The following RXFP1 variants were observed in gnomAD, a reference collection of about 807,000 sequenced individuals.
RXFP1 encodes the protein relaxin family peptide receptor 1.
RXFP1 carries 73 observed loss-of-function variants against 89.8 expected under a neutral mutation model. The observed-to-expected ratio is 0.81, with a 90% CI of 0.67 to 0.99. The LOEUF is 0.99. RXFP1 is among the 50% of genes least tolerant of loss of function. RXFP1 has a pLI of 0.00. For missense variants in RXFP1, 793 were observed against 895.5 expected, an observed-to-expected ratio of 0.89 and a Z score of 1.46; for synonymous variants, 277 against 305.5, an observed-to-expected ratio of 0.91 and a Z score of 0.97.
At chr4:158,577,012 TTTCTTC>T (rs3085268) in intron 2 of RXFP1, among the ~76,000 whole-genome samples, 1,798 of 150,240 alleles carry the variant, frequency 0.012, 34 homozygotes, top group African/African-American at 0.04. Context: ...AGGCTGTTCT[TTTCTTC>T]TTCTTCTTCT....
At chr4:158,595,705 A>G (rs1157361481) in intron 3 of RXFP1, among the ~76,000 whole-genome samples, 1 of 152,114 alleles carries the variant, frequency 6.6e-6, no homozygotes, top group Non-Finnish European at 1.5e-5. Context: ...TTTTATCTTC[A>G]CTACTCAAAT....
rs558833383 is a variant in RXFP1, at chr4:158,587,213, A to C, written c.188-6188A>C. ...GAAGCCTTCAAACCTTCACAAGCCC[A>C]TTTCTCACTCACCTTCTGCAGATAT... On this transcript the variant is annotated intron_variant, in intron 2 of 17. Coordinates refer to ENST00000307765, the MANE Select transcript of RXFP1 (RefSeq NM_021634.4). Among the ~76,000 whole-genome samples, 83 of 152,284 alleles carry C rather than the reference A, an allele frequency of 5.5e-4. No homozygotes were observed. In the South Asian group the frequency reaches 0.016, roughly 30 times the overall value.
At chr4:158,547,058 G>A (rs1204534952) in intron 1 of RXFP1, among the ~76,000 whole-genome samples, 7 of 152,066 alleles carry the variant, frequency 4.6e-5, no homozygotes, top group African/African-American at 7.2e-5. Flanking sequence ...GGTAGAATTC[G>A]GCTGTGAATC....
chr4:158,530,912 C>T (rs1743874458), intron 1 of RXFP1, among the ~76,000 whole-genome samples: 1 of 152,176 alleles, frequency 6.6e-6, no homozygotes, highest in African/African-American at 2.4e-5. Context: ...TGGAAAAAAT[C>T]TGTACAAAGC....
chr4:158,580,359 A>G (rs1021660450), intron 2 of RXFP1, among the ~76,000 whole-genome samples: 1 of 152,300 alleles, frequency 6.6e-6, no homozygotes, highest in Non-Finnish European at 1.5e-5. Flanking sequence ...ACAATCTCTT[A>G]CTAGCCTAGA....
intron 1 of RXFP1, among the ~76,000 whole-genome samples, chr4:158,569,038 A>C (rs1754464201): frequency 6.6e-6 from 1 of 152,224 alleles, no homozygotes; most frequent in African/African-American, 2.4e-5. Context: ...ATATCTTTGA[A>C]ATTATATGAA....
intron 11 of RXFP1, among the ~76,000 whole-genome samples, chr4:158,633,175 A>G (rs1480442371): frequency 1.3e-5 from 2 of 152,180 alleles, no homozygotes; most frequent in Non-Finnish European, 2.9e-5. Flanking sequence ...GTCTCAAAAA[A>G]AAAAGATCAA....
chr4:158,628,275 G>A (rs1205131065), intron 10 of RXFP1, among the ~76,000 whole-genome samples: 1 of 152,082 alleles, frequency 6.6e-6, no homozygotes, highest in East Asian at 1.9e-4. Flanking sequence ...TGTGGTGGGT[G>A]GGCTATTTTG....
chr4:158,536,588 G>C (rs1745331901), intron 1 of RXFP1, among the ~76,000 whole-genome samples: 1 of 152,086 alleles, frequency 6.6e-6, no homozygotes, highest in South Asian at 2.1e-4. Context: ...ATTAACCCAA[G>C]TATTGAACTG....
rs538875248 is a variant in RXFP1, at chr4:158,611,163, C to T, written c.537-967C>T. Among the ~76,000 whole-genome samples the T allele has an allele frequency of 3.9e-5, 6 of 152,272 alleles. No individual in the cohort carries two copies. The South Asian group carries it at 8.3e-4, about 21-fold the overall frequency. ...TAGGAAGTAGATCCTGATACTATCC[C>T]CATTTTAGAGTTGGGGAAGCTGAGG... On this transcript the variant is annotated intron_variant, in intron 6 of 17. Coordinates refer to ENST00000307765, the MANE Select transcript of RXFP1 (RefSeq NM_021634.4).
rs543013618 is a variant in RXFP1 at position 158,598,636 on chromosome 4, C to T, written c.287-690C>T. On this transcript the variant is annotated intron_variant, in intron 3 of 17. Transcript: ENST00000307765. ...GTATTGACTCACATCCTAACACTATCGCTACAGCTCCACAAGATGGCCAAG... is the reference window on the plus strand; with the variant it reads ...GTATTGACTCACATCCTAACACTATTGCTACAGCTCCACAAGATGGCCAAG... Among the ~76,000 whole-genome samples, 104 of 152,220 alleles carry T rather than the reference C, an allele frequency of 6.8e-4. 1 individual carries two copies. The highest frequency in any genetic ancestry group is 1.3e-3 in the Non-Finnish European group (88 of 68,010).
intron 4 of RXFP1, among the ~76,000 whole-genome samples, chr4:158,604,587 A>G (rs1762243170): frequency 6.6e-6 from 1 of 152,220 alleles, no homozygotes; most frequent in Non-Finnish European, 1.5e-5. Context: ...GGAATCACTT[A>G]TTGAATAAAG....
intron 1 of RXFP1, among the ~76,000 whole-genome samples, chr4:158,543,099 T>C (rs1360600974): frequency 1.3e-5 from 2 of 152,180 alleles, no homozygotes; most frequent in African/African-American, 4.8e-5. Flanking sequence ...CATGTACCCC[T>C]GAACCTAAAA....
Position 158,568,565 on chromosome 4 carries a change from T to C in RXFP1, c.50-4133T>C, listed in dbSNP as rs28493977. ...AACACAGATTGGTTTATTTGTATGC[T>C]TGAGATCTCTGAAATACGTGATGTT... On this transcript the variant is annotated intron_variant, in intron 1 of 17. Transcript: ENST00000307765. 7.6e-3 allele frequency among the ~76,000 whole-genome samples: 1,151 copies of C among 152,378 alleles called. 20 individuals are homozygous for C. The highest frequency in any genetic ancestry group is 0.027 in the African/African-American group (1,105 of 41,596).
intron 8 of RXFP1, 100 bp downstream of exon 8, chr4:158,612,462 C>A: frequency 1.3e-6 from 1 of 772,676 alleles, no homozygotes; most frequent in Non-Finnish European, 2.1e-6. Context: ...TTGTTAAAAC[C>A]CCAAAGAGGC....
chr4:158,611,101 C>T (rs1033377340), intron 6 of RXFP1, among the ~76,000 whole-genome samples: 1 of 152,188 alleles, frequency 6.6e-6, no homozygotes, highest in Non-Finnish European at 1.5e-5. Context: ...ATAATATGTA[C>T]TGAATGTTTA....
chr4:158,557,845 T>A (rs552800781), intron 1 of RXFP1, among the ~76,000 whole-genome samples: 143 of 152,330 alleles, frequency 9.4e-4, no homozygotes, highest in African/African-American at 3.1e-3. Flanking sequence ...CTGACTCCAC[T>A]GCTTCACTGG....
chr4:158,632,618 A>G (rs780114597), intron 11 of RXFP1, among the ~76,000 whole-genome samples: 1 of 152,184 alleles, frequency 6.6e-6, no homozygotes, highest in Non-Finnish European at 1.5e-5. Flanking sequence ...AGGTCATACC[A>G]TGTTAAGCAG....
rs377285571 is a variant in RXFP1 at position 158,648,736 on chromosome 4, T to A, written c.1975+19T>A. 2.2e-6 allele frequency: 3 copies of A among 1,370,946 alleles called. No individual in the cohort carries two copies. Among genetic ancestry groups the A allele is most frequent in the Non-Finnish European group, 3.0e-6 (3 of 986,216 alleles). 84.9% of individuals were successfully genotyped at this position (1,370,946 alleles called of 1,614,324 possible). ...ATACCAGGTACAATATTTTTTAATC[T>A]CCTTAAAGAAATAATAAATCTGTTT... On this transcript the variant is annotated intron_variant, in intron 17 of 17. Coordinates refer to ENST00000307765, the MANE Select transcript of RXFP1 (RefSeq NM_021634.4).
Sources: gnomAD v4.1 joint callset for allele counts (sites outside exome capture counted in the v4.1 genomes callset) on GRCh38, gnomAD v4.1.1 for gene constraint, MANE v1.5 for transcripts, NCBI Gene and HGNC (gene_info 2026-07-23, HGNC 2026-07-21) for gene names.